Variants in ZNF385D observed in about 807,000 individuals in gnomAD.
ZNF385D encodes the protein zinc finger protein 659.
ZNF385D carries 15 observed loss-of-function variants against 35.8 expected under a neutral mutation model. The ratio of observed to expected loss-of-function variants is 0.42; its 90% CI spans 0.28 to 0.64. The LOEUF (loss-of-function observed/expected upper bound fraction) is 0.64, where lower values mean the gene tolerates loss of function less well. Among genes scored for constraint, ZNF385D ranks in the 30% least tolerant of loss-of-function variants. ZNF385D has a pLI of 0.23. For synonymous variants in ZNF385D, 212 were observed against 186.8 expected, an observed-to-expected ratio of 1.13 and a Z score of -1.10; for missense variants, 474 against 494.6, an observed-to-expected ratio of 0.96 and a Z score of 0.39.
At chr3:21,536,744 T>G in intron 3 of ZNF385D, among the ~76,000 whole-genome samples, 1 of 152,060 alleles carries the variant, frequency 6.6e-6, no homozygotes, top group East Asian at 1.9e-4. Context: ...CAATTAGTGC[T>G]TAGGAGAAAA....
At chr3:22,013,533 T>C (rs1696704521) in intron 3 of ZNF385D, among the ~76,000 whole-genome samples, 1 of 152,140 alleles carries the variant, frequency 6.6e-6, no homozygotes, top group African/African-American at 2.4e-5. Context: ...AATAAAGATT[T>C]GAAAATAGTA....
intron 2 of ZNF385D, among the ~76,000 whole-genome samples, chr3:22,281,949 T>C (rs1474103395): frequency 6.6e-6 from 1 of 152,122 alleles, no homozygotes; most frequent in African/African-American, 2.4e-5. Context: ...GTTCAGAGTT[T>C]CTATTTCCTC....
intron 3 of ZNF385D, among the ~76,000 whole-genome samples, chr3:21,771,599 GA>G (rs934651705): frequency 6.6e-6 from 1 of 151,304 alleles, no homozygotes; most frequent in East Asian, 2.0e-4. Context: ...AGAAAGATGT[GA>G]AAAAAAATCA....
rs530359897 is a variant in ZNF385D, at chr3:22,335,851, T to A, written c.106+36599A>T. On this transcript the variant is annotated intron_variant, in intron 2 of 5. Coordinates refer to the ZNF385D transcript ENST00000494108. The stretch of plus-strand genomic sequence containing the variant: ...AAACCTTTATTAGGTAGTCTATATG[T>A]GATAGCCTTCGTATTGTCTTCCAAA... 1.4e-3 allele frequency among the ~76,000 whole-genome samples: 209 copies of A among 152,294 alleles called. 1 individual carries two copies. The highest frequency in any genetic ancestry group is 0.014 in the Middle Eastern group (4 of 294).
At chr3:21,852,445 A>T (rs1220335296) in intron 3 of ZNF385D, among the ~76,000 whole-genome samples, 1 of 151,856 alleles carries the variant, frequency 6.6e-6, no homozygotes, top group African/African-American at 2.4e-5. Context: ...AAAAACTGTC[A>T]CCTCTAGACC....
chr3:21,964,262 A>C (rs1702754532), intron 3 of ZNF385D, among the ~76,000 whole-genome samples: 1 of 151,674 alleles, frequency 6.6e-6, no homozygotes, highest in Non-Finnish European at 1.5e-5. Context: ...TTCGCTAAAA[A>C]CTGAAATTGG....
intron 1 of ZNF385D, among the ~76,000 whole-genome samples, chr3:21,667,013 G>T (rs981490551): frequency 2.6e-5 from 4 of 152,104 alleles, no homozygotes; most frequent in Non-Finnish European, 5.9e-5. Context: ...GGAGGCAGAG[G>T]TTGCAGTAAG....
chr3:21,695,631 C>T (rs2067443607), intron 1 of ZNF385D, among the ~76,000 whole-genome samples: 1 of 152,100 alleles, frequency 6.6e-6, no homozygotes, highest in Non-Finnish European at 1.5e-5. Context: ...TGCTCTACAA[C>T]ACCATAGAGA....
intron 3 of ZNF385D, among the ~76,000 whole-genome samples, chr3:21,882,610 G>T (rs933887306): frequency 3.9e-5 from 6 of 151,942 alleles, no homozygotes; most frequent in Non-Finnish European, 8.8e-5. Context: ...ACAGAAGCTT[G>T]GGAAACATCC....
chr3:22,002,270 A>G (rs556648710), intron 3 of ZNF385D, among the ~76,000 whole-genome samples: 5 of 152,244 alleles, frequency 3.3e-5, no homozygotes, highest in South Asian at 4.1e-4. Context: ...ATTACAACTG[A>G]TATCACAGAA....
chr3:21,734,570 A>T (rs761593988), intron 1 of ZNF385D, among the ~76,000 whole-genome samples: 2 of 152,072 alleles, frequency 1.3e-5, no homozygotes, highest in African/African-American at 4.8e-5. Flanking sequence ...AGTAAGATGG[A>T]CAACATGAGG....
chr3:21,572,949 CT>C (rs11302141), intron 2 of ZNF385D, among the ~76,000 whole-genome samples: 102,742 of 151,230 alleles, frequency 0.68, 35,618 homozygotes, highest in African/African-American at 0.83. Context: ...GAAGTAGACA[CT>C]TTTTTTTTTA....
chr3:21,955,629 A>T (rs1702248358), intron 3 of ZNF385D, among the ~76,000 whole-genome samples: 1 of 152,134 alleles, frequency 6.6e-6, no homozygotes, highest in Non-Finnish European at 1.5e-5. Flanking sequence ...TAAATTTTGC[A>T]ATCTGTTCTC....
At chr3:22,076,763 T>C (rs1290463579) in intron 3 of ZNF385D, among the ~76,000 whole-genome samples, 5 of 151,888 alleles carry the variant, frequency 3.3e-5, no homozygotes, top group African/African-American at 4.8e-5. Flanking sequence ...CTGTCTCTAA[T>C]AACAAATTGA....
At chr3:21,928,607 A>G (rs960552792) in intron 3 of ZNF385D, among the ~76,000 whole-genome samples, 2 of 152,218 alleles carry the variant, frequency 1.3e-5, no homozygotes, top group African/African-American at 4.8e-5. Context: ...TAGCTATGTT[A>G]AAAAGGAAAA....
At chr3:22,223,042 T>A (rs1336997481) in intron 2 of ZNF385D, among the ~76,000 whole-genome samples, 4 of 152,144 alleles carry the variant, frequency 2.6e-5, no homozygotes, top group Admixed American at 6.6e-5. Flanking sequence ...TTCCATTTTT[T>A]AAAGATATTA....
chr3:22,260,646 C>T (rs1179048724), intron 2 of ZNF385D, among the ~76,000 whole-genome samples: 6 of 151,898 alleles, frequency 4.0e-5, no homozygotes, highest in South Asian at 2.1e-4. Context: ...CAAAGTTTTA[C>T]AAGTAAAATG....
chr3:22,267,504 T>C (rs1700956969), intron 2 of ZNF385D, among the ~76,000 whole-genome samples: 1 of 151,900 alleles, frequency 6.6e-6, no homozygotes, highest in African/African-American at 2.4e-5. Context: ...TCTGCTTTCA[T>C]AAATTATAGT....
chr3:21,594,217 A>G (rs1201139881), intron 2 of ZNF385D, among the ~76,000 whole-genome samples: 1 of 152,148 alleles, frequency 6.6e-6, no homozygotes, highest in Non-Finnish European at 1.5e-5. Flanking sequence ...ACCTGCCAAG[A>G]TCATTCACAC....
Sources: allele counts gnomAD v4.1 joint callset (sites outside exome capture counted in the v4.1 genomes callset), GRCh38; gene constraint gnomAD v4.1.1; transcripts MANE v1.5; gene names NCBI Gene and HGNC (gene_info 2026-07-23, HGNC 2026-07-21).